CNOT1: variants seen among roughly 807,000 people sequenced by gnomAD.
The protein encoded by CNOT1 is CCR4-NOT transcription complex subunit 1, also known as CCR4-associated factor 1.
CNOT1 carries 15 observed loss-of-function variants against 273.8 expected under a neutral mutation model. The ratio of observed to expected loss-of-function variants is 0.05; its 90% CI spans 0.04 to 0.08. The LOEUF is 0.08. Among genes scored for constraint, CNOT1 ranks in the 10% least tolerant of loss-of-function variants. The pLI is 1.00. For synonymous variants in CNOT1, 1,022 were observed against 1,005.5 expected (o/e 1.02, Z -0.31); for missense variants, 1,644 against 2,912.2 (o/e 0.56, Z 10.02).
chr16:58,537,815 T>C (rs988174477), intron 38 of CNOT1, 76 bp downstream of exon 38: 3 of 1,567,920 alleles, frequency 1.9e-6, no homozygotes, highest in Non-Finnish European at 2.6e-6. Flanking sequence ...GTAATGTTAG[T>C]AAGTCTGCAT....
rs755217314 is a variant in CNOT1 at position 58,530,354 on chromosome 16, G to T, written c.6178-7C>A. On this transcript the variant is annotated splice_region_variant and splice_polypyrimidine_tract_variant and intron_variant, in intron 42 of 48. Transcript: ENST00000317147. Reference sequence around the variant, plus strand: ...GTGCATACATAGGCCACCCCTGAAAGAAAGAAATGTACATGAGTCATAATT... The same window carrying T: ...GTGCATACATAGGCCACCCCTGAAATAAAGAAATGTACATGAGTCATAATT... 18 of 1,599,344 alleles carry T rather than the reference G, an allele frequency of 1.1e-5. No homozygotes were observed. Among genetic ancestry groups the T allele is most frequent in the Non-Finnish European group, 1.5e-5 (17 of 1,170,822 alleles).
In CNOT1 at chr16:58,522,590, C is replaced by G. The variant is rs1397078417; in HGVS notation, c.6917+780G>C. Among the ~76,000 whole-genome samples the G allele has an allele frequency of 2.0e-5, 3 of 152,084 alleles. No individual in the cohort carries two copies. In the East Asian group the frequency reaches 5.8e-4, roughly 29 times the overall value. On this transcript the variant is annotated intron_variant, in intron 47 of 48. Transcript: ENST00000317147. ...TGTGTGTATCACAATCTCTCTAATG[C>G]TATATGTAGTCTAGGCAATCTGGCA...
chr16:58,609,848 T>C (rs1459051596), intron 1 of CNOT1, among the ~76,000 whole-genome samples: 1 of 150,426 alleles, frequency 6.6e-6, no homozygotes, highest in Non-Finnish European at 1.5e-5. Context: ...GGGTGATATA[T>C]ATATATATCA....
chr16:58,531,742 A>T (rs1340315229), intron 42 of CNOT1, among the ~76,000 whole-genome samples: 1 of 152,232 alleles, frequency 6.6e-6, no homozygotes, highest in East Asian at 1.9e-4. Flanking sequence ...GGTGGCCCAC[A>T]ACTGAGTTGA....
intron 33 of CNOT1, among the ~76,000 whole-genome samples, chr16:58,541,885 A>G (rs538789685): frequency 6.6e-6 from 1 of 152,310 alleles, no homozygotes; most frequent in African/African-American, 2.4e-5. Context: ...TGCCAGTGCA[A>G]TTCTCCCTTG....
intron 12 of CNOT1, among the ~76,000 whole-genome samples, chr16:58,579,248 T>C (rs2151971345): frequency 6.6e-6 from 1 of 152,244 alleles, no homozygotes; most frequent in South Asian, 2.1e-4. Flanking sequence ...AGAGAACAAA[T>C]GCTGTATTTC....
At chr16:58,521,109 G>A (rs922722943) in intron 48 of CNOT1, 73 bp from the exon 49 acceptor site, 1 of 1,613,210 alleles carries the variant, frequency 6.2e-7, no homozygotes, top group African/African-American at 1.3e-5. Flanking sequence ...TCATTCAGCT[G>A]ACCCAACCTA....
chr16:58,536,928 T>A, intron 39 of CNOT1, 61 bp downstream of exon 39: 11 of 1,585,170 alleles, frequency 6.9e-6, no homozygotes, highest in East Asian at 2.2e-5. Flanking sequence ...AGCTTTAATA[T>A]TGGAGGCATC....
At chr16:58,596,294 G>A (rs1267164678) in intron 2 of CNOT1, among the ~76,000 whole-genome samples, 1 of 152,142 alleles carries the variant, frequency 6.6e-6, no homozygotes, top group Non-Finnish European at 1.5e-5. Context: ...GCACTCTGCA[G>A]TCCTTCCTTC....
intron 16 of CNOT1, among the ~76,000 whole-genome samples, chr16:58,560,795 C>T (rs569558616): frequency 2.6e-5 from 4 of 152,172 alleles, no homozygotes; most frequent in East Asian, 1.9e-4. Context: ...GAGGCCAAGG[C>T]GGGGGTATTG....
chr16:58,534,698 A>G (rs2039872748), intron 39 of CNOT1, among the ~76,000 whole-genome samples: 1 of 152,216 alleles, frequency 6.6e-6, no homozygotes, highest in South Asian at 2.1e-4. Context: ...CAAATAAAAC[A>G]AACTGTTCGT....
chr16:58,572,974 G>C (rs1026838460), intron 16 of CNOT1, among the ~76,000 whole-genome samples: 3 of 149,794 alleles, frequency 2.0e-5, no homozygotes, highest in South Asian at 2.1e-4. Flanking sequence ...AACAAAATCA[G>C]TACAAGATGT....
In CNOT1 at chr16:58,542,312, A is replaced by G. The variant is rs1426086057; in HGVS notation, c.4599T>C (p.Ala1533=). Reference sequence around the variant, plus strand: ...CACAGTATCTGCGTCCTTCTTGCCTAGCATGTTTTCTCAGCTCAAATTCCT... The same window carrying G: ...CACAGTATCTGCGTCCTTCTTGCCTGGCATGTTTTCTCAGCTCAAATTCCT... The part of the protein sequence containing the change: ...LATEFELRKH[A]RQEGRRYCDP... The change falls in exon 33 of 49, where the codon GCT becomes GCC. Residue 1533 remains alanine (A), a synonymous_variant. Coordinates refer to ENST00000317147, the MANE Select transcript of CNOT1 (RefSeq NM_016284.5). 2 of 1,614,142 alleles carry G rather than the reference A, an allele frequency of 1.2e-6. No individual in the cohort carries two copies. Among genetic ancestry groups the G allele is most frequent in the Non-Finnish European group, 1.7e-6 (2 of 1,180,012 alleles).
Position 58,573,477 on chromosome 16 carries a change from ATTTTTTTTTTTT to A in CNOT1, c.1979+1120_1979+1131del, listed in dbSNP as rs34706886. On this transcript the variant is annotated intron_variant, in intron 16 of 48. Transcript: ENST00000317147. ...AACATTCCCAGTAGGCTGTTTTGCA[ATTTTTTTTTTTT>A]TTTTTTTTTGAGATGGAGTCTCGCT... Among the ~76,000 whole-genome samples, 618 of 112,924 alleles carry A rather than the reference ATTTTTTTTTTTT, an allele frequency of 5.5e-3. 5 individuals carry two copies. Among genetic ancestry groups the A allele is most frequent in the African/African-American group, 0.022 (580 of 25,916 alleles). 74.1% of individuals were successfully genotyped at this position (112,924 alleles called of 152,430 possible). A position where few individuals can be genotyped will look rare whatever the true frequency, so the allele number is the denominator to read the frequency against.
At chr16:58,626,764 A>AT (rs2043603096) in intron 1 of CNOT1, among the ~76,000 whole-genome samples, 1 of 151,982 alleles carries the variant, frequency 6.6e-6, no homozygotes, top group South Asian at 2.1e-4. Context: ...CGTCTCAAAA[A>AT]AAAAAAGGCA....
intron 34 of CNOT1, among the ~76,000 whole-genome samples, chr16:58,541,160 G>A (rs149424375): frequency 3.9e-5 from 6 of 152,200 alleles, no homozygotes; most frequent in African/African-American, 9.6e-5. Context: ...AGCTGAGATC[G>A]CGCCACTGCA....
At chr16:58,541,077 C>T (rs777271983) in intron 34 of CNOT1, among the ~76,000 whole-genome samples, 11 of 152,050 alleles carry the variant, frequency 7.2e-5, no homozygotes, top group Admixed American at 2.6e-4. Context: ...TGGTGGCACA[C>T]GCCTGTAGTC....
chr16:58,553,959 T>TGA, intron 21 of CNOT1, 99 bp from the exon 22 acceptor site: 1 of 1,394,948 alleles, frequency 7.2e-7, no homozygotes. Flanking sequence ...TTTTTTTCCA[T>TGA]CTTACCTATG....
chr16:58,577,237 C>T lies in CNOT1; in HGVS notation c.1585-655G>A, dbSNP rs117007399. Among the ~76,000 whole-genome samples, 743 of 152,228 alleles carry T rather than the reference C, an allele frequency of 4.9e-3. 5 individuals are homozygous for T. The highest frequency in any genetic ancestry group is 8.4e-3 in the Non-Finnish European group (568 of 68,008). On this transcript the variant is annotated intron_variant, in intron 13 of 48. Transcript: ENST00000317147. Reference sequence around the variant, plus strand: ...TCTAAGTAATATCCCAGTTAATTGTCCTAGAGTGGCAGATGGTCTGCTAGA... The same window carrying T: ...TCTAAGTAATATCCCAGTTAATTGTTCTAGAGTGGCAGATGGTCTGCTAGA...
Sources: gnomAD v4.1 joint callset for allele counts (sites outside exome capture counted in the v4.1 genomes callset) on GRCh38, gnomAD v4.1.1 for gene constraint, MANE v1.5 for transcripts, NCBI Gene and HGNC (gene_info 2026-07-23, HGNC 2026-07-21) for gene names.